Variants in GALM observed in about 807,000 individuals in gnomAD.
GALM encodes the protein galactose mutarotase.
Under a neutral mutation model 37.4 loss-of-function variants are expected in GALM, and 43 were observed. The observed-to-expected ratio is 1.15, with a 90% CI of 0.90 to 1.48. The LOEUF is 1.48. Ranked by LOEUF, GALM falls within the 40% of genes most tolerant of loss-of-function variation. The probability of loss-of-function intolerance (pLI) is 0.00; values close to 1 mark genes in which losing one functional copy is unlikely to be tolerated. For synonymous variants in GALM, 199 were observed against 170.6 expected, an observed-to-expected ratio of 1.17 and a Z score of -1.30; for missense variants, 456 against 419.1, an observed-to-expected ratio of 1.09 and a Z score of -0.77.
intron 4 of GALM, among the ~76,000 whole-genome samples, chr2:38,728,284 C>CT (rs1666526594): frequency 6.6e-6 from 1 of 151,666 alleles, no homozygotes; most frequent in African/African-American, 2.4e-5. Flanking sequence ...ATCCCAGCTA[C>CT]TTGGGAGGCT....
chr2:38,718,462 G>A (rs996349384), intron 4 of GALM, among the ~76,000 whole-genome samples: 4 of 151,762 alleles, frequency 2.6e-5, no homozygotes, highest in South Asian at 2.1e-4. Context: ...GCCTCCCAAA[G>A]TGCTGGAATT....
At chr2:38,677,832 C>T (rs114138512) in intron 2 of GALM, among the ~76,000 whole-genome samples, 7 of 151,704 alleles carry the variant, frequency 4.6e-5, no homozygotes, top group Non-Finnish European at 7.4e-5. Flanking sequence ...CTGTTAAAGG[C>T]GAATGGCCAC....
At chr2:38,706,692 A>G (rs1206932640) in intron 4 of GALM, among the ~76,000 whole-genome samples, 6 of 151,620 alleles carry the variant, frequency 4.0e-5, no homozygotes, top group Admixed American at 3.3e-4. Context: ...CACCCCAGCA[A>G]CTGTTCTGGT....
At chr2:38,673,693 C>G (rs888216655) in intron 1 of GALM, among the ~76,000 whole-genome samples, 6 of 151,860 alleles carry the variant, frequency 4.0e-5, no homozygotes, top group Non-Finnish European at 8.8e-5. Flanking sequence ...GCCTGTAGTC[C>G]CAGCTACTCG....
intron 4 of GALM, among the ~76,000 whole-genome samples, chr2:38,720,371 A>ACC (rs1360938447): frequency 4.8e-5 from 7 of 145,778 alleles, no homozygotes; most frequent in Non-Finnish European, 1.0e-4. Context: ...AATTGCAAGG[A>ACC]TTAATGTTCT....
chr2:38,693,429 G>C (rs1174073505), intron 4 of GALM, among the ~76,000 whole-genome samples: 3 of 149,046 alleles, frequency 2.0e-5, no homozygotes, highest in African/African-American at 7.5e-5. Context: ...GTTGCAGTGA[G>C]CCCAGATCAC....
chr2:38,697,962 T>TA (rs1446889686), intron 4 of GALM, among the ~76,000 whole-genome samples: 1 of 151,768 alleles, frequency 6.6e-6, no homozygotes, highest in Admixed American at 6.6e-5. Context: ...TTTTTTTTTT[T>TA]AGACAGAGTC....
At chr2:38,669,569 T>A (rs1008263437) in intron 1 of GALM, 6 of 152,140 alleles carry the variant, frequency 3.9e-5, no homozygotes, top group Non-Finnish European at 5.9e-5. Flanking sequence ...TCCTATGAGT[T>A]TTTCAACCTT....
chr2:38,713,835 G>A (rs1666217135), intron 4 of GALM, among the ~76,000 whole-genome samples: 1 of 151,884 alleles, frequency 6.6e-6, no homozygotes, highest in Non-Finnish European at 1.5e-5. Context: ...GTTCCAGGAG[G>A]TCGAGGTTGT....
chr2:38,731,980 A>G (rs1398557344), intron 6 of GALM, 71 bp downstream of exon 6: 2 of 1,217,156 alleles, frequency 1.6e-6, no homozygotes, highest in African/African-American at 1.5e-5. Context: ...AGTTCACTAC[A>G]CTCGAATCAG....
At chr2:38,707,582 G>A (rs1368003765) in intron 4 of GALM, among the ~76,000 whole-genome samples, 3 of 152,142 alleles carry the variant, frequency 2.0e-5, no homozygotes, top group East Asian at 3.8e-4. Context: ...GTAACAGAGT[G>A]GTCAGGGCAG....
intron 4 of GALM, among the ~76,000 whole-genome samples, chr2:38,728,912 T>C (rs916326744): frequency 6.6e-6 from 1 of 152,184 alleles, no homozygotes; most frequent in Non-Finnish European, 1.5e-5. Context: ...TGCCATCATC[T>C]TATCCTGGGG....
intron 3 of GALM, 96 bp from the exon 4 acceptor site, chr2:38,689,717 T>G (rs1665626369): frequency 1.4e-6 from 1 of 712,320 alleles, no homozygotes; most frequent in Non-Finnish European, 2.4e-6. Context: ...TAAAAGTTTT[T>G]GTCAATGCCT....
rs777967063 is a variant in GALM, at chr2:38,733,507, T to A, written c.971T>A (p.Leu324Gln). 6.2e-7 allele frequency: 1 copy of A among 1,614,066 alleles called. No individual in the cohort carries two copies. Among genetic ancestry groups the A allele is most frequent in the South Asian group, 1.1e-5 (1 of 91,086 alleles). ...AVNQPRFPPV[L>Q]LRPGEEYDHT... ...TCACAGCCCCGCTTCCCTCCTGTGCTGCTGAGGCCTGGTGAGGAGTATGAC... is the reference window on the plus strand; with the variant it reads ...TCACAGCCCCGCTTCCCTCCTGTGCAGCTGAGGCCTGGTGAGGAGTATGAC... Residue 324 changes from leucine to glutamine, a missense_variant, in exon 7 of 7, where the codon CTG (leucine) becomes CAG (glutamine). Physicochemically the swap from Leu to Gln is moderately radical, Grantham distance 113. Transcript: ENST00000272252.
intron 4 of GALM, among the ~76,000 whole-genome samples, chr2:38,693,316 C>G (rs1291281860): frequency 6.6e-6 from 1 of 152,084 alleles, no homozygotes; most frequent in Non-Finnish European, 1.5e-5. Flanking sequence ...AACCCTGTCT[C>G]TACTAAAAAT....
intron 3 of GALM, among the ~76,000 whole-genome samples, chr2:38,684,013 C>T (rs1006757893): frequency 6.6e-6 from 1 of 152,172 alleles, no homozygotes; most frequent in African/African-American, 2.4e-5. Context: ...ATCACCAAGC[C>T]AGACCTGGAG....
At chr2:38,705,022 C>A (rs569658795) in intron 4 of GALM, among the ~76,000 whole-genome samples, 2 of 152,300 alleles carry the variant, frequency 1.3e-5, no homozygotes, top group East Asian at 3.9e-4. Flanking sequence ...AGAAATCTGG[C>A]AGGAAGAAAG....
rs773110151 is a variant in GALM at position 38,666,267 on chromosome 2, T to G, written c.106T>G (p.Trp36Gly). Residue 36 changes from tryptophan (W) to glycine (G), a missense_variant, in exon 1 of 7, where the codon TGG becomes GGG. Trp to Gly is a radical substitution (Grantham distance 184, BLOSUM62 -2). Transcript: ENST00000272252. The stretch of plus-strand genomic sequence containing the variant: ...CCTCTTGAGAGTGGACATCATCTCC[T>G]GGGGCTGCACGATCACAGCCCTAGA... Reference protein sequence around the residue: ...SDLLRVDIISWGCTITALEVK... With the variant: ...SDLLRVDIISGGCTITALEVK... The G allele has an allele frequency of 1.9e-6, 3 of 1,613,862 alleles. No individual in the cohort carries two copies. In the South Asian group the frequency reaches 3.3e-5, roughly 18 times the overall value.
chr2:38,689,813 G>T lies in GALM; in HGVS notation c.553G>T (p.Ala185Ser). 1.3e-6 allele frequency: 2 copies of T among 1,588,750 alleles called. No homozygotes were observed. Among genetic ancestry groups the T allele is most frequent in the South Asian group, 1.1e-5 (1 of 88,464 alleles). ...CCTTTCCCCTACCTTTTCCTCCCAGGCTTCCCCAAATATAAATGACCATGA... is the reference window on the plus strand; with the variant it reads ...CCTTTCCCCTACCTTTTCCTCCCAGTCTTCCCCAAATATAAATGACCATGA... ...NHSYFNLAGQ[A>S]SPNINDHEVT... The change falls in exon 4 of 7, where the codon GCT becomes TCT. Residue 185 changes from alanine (A) to serine (S), a missense_variant and splice_region_variant. Transcript: ENST00000272252.
Sources: gnomAD v4.1 joint callset for allele counts (sites outside exome capture counted in the v4.1 genomes callset) on GRCh38, gnomAD v4.1.1 for gene constraint, MANE v1.5 for transcripts, NCBI Gene and HGNC (gene_info 2026-07-23, HGNC 2026-07-21) for gene names.